Variants in CHCHD3 observed in about 807,000 individuals in gnomAD.
The protein encoded by CHCHD3 is MICOS complex subunit MIC19.
Under a neutral mutation model 38.2 loss-of-function variants are expected in CHCHD3, and 20 were observed. That is an observed-to-expected ratio of 0.52 (90% CI 0.37 to 0.76). The LOEUF (loss-of-function observed/expected upper bound fraction) is 0.76, where lower values mean the gene tolerates loss of function less well. Among genes scored for constraint, CHCHD3 ranks in the 30% least tolerant of loss-of-function variants. CHCHD3 has a pLI of 0.00. For synonymous variants in CHCHD3, 82 were observed against 100.0 expected (o/e 0.82, Z 1.07); for missense variants, 245 against 279.2 (o/e 0.88, Z 0.87).
At chr7:132,990,160 C>T (rs1049982940) in intron 3 of CHCHD3, among the ~76,000 whole-genome samples, 7 of 152,038 alleles carry the variant, frequency 4.6e-5, no homozygotes, top group African/African-American at 1.5e-4. Context: ...GAGACAAGAG[C>T]GAAACTCCAT....
intron 4 of CHCHD3, among the ~76,000 whole-genome samples, chr7:132,932,756 T>C (rs901768619): frequency 6.6e-6 from 1 of 152,194 alleles, no homozygotes; most frequent in African/African-American, 2.4e-5. Context: ...TGAGGAGACC[T>C]CCTTTCAATT....
chr7:132,973,324 C>A (rs2058945), intron 4 of CHCHD3: 147,653 of 985,248 alleles, frequency 0.15, 11,440 homozygotes, highest in Non-Finnish European at 0.16. Flanking sequence ...TCCTCCACTA[C>A]ATCCTTAGCT....
intron 3 of CHCHD3, among the ~76,000 whole-genome samples, chr7:133,013,837 T>A (rs987641307): frequency 2.0e-5 from 3 of 152,198 alleles, no homozygotes; most frequent in Non-Finnish European, 2.9e-5. Context: ...ATTTACTGAA[T>A]TCCTTTTATA....
At chr7:132,981,866 C>T (rs963803249) in intron 3 of CHCHD3, among the ~76,000 whole-genome samples, 1 of 152,076 alleles carries the variant, frequency 6.6e-6, no homozygotes, top group African/African-American at 2.4e-5. Context: ...AAAGTTGAAC[C>T]GTGACCGTTA....
At chr7:132,897,107 G>A (rs1470015195) in intron 4 of CHCHD3, among the ~76,000 whole-genome samples, 1 of 152,194 alleles carries the variant, frequency 6.6e-6, no homozygotes, top group Non-Finnish European at 1.5e-5. Context: ...ATAACTTAAG[G>A]TGCAATTATA....
At chr7:132,792,723 C>T (rs1011164643) in intron 7 of CHCHD3, among the ~76,000 whole-genome samples, 5 of 152,176 alleles carry the variant, frequency 3.3e-5, no homozygotes, top group African/African-American at 1.2e-4. Flanking sequence ...CCTCATGGAT[C>T]ACCTGGTTCA....
intron 4 of CHCHD3, among the ~76,000 whole-genome samples, chr7:132,950,578 C>T (rs1811014278): frequency 6.6e-6 from 1 of 152,208 alleles, no homozygotes; most frequent in African/African-American, 2.4e-5. Flanking sequence ...CATCCACACA[C>T]ACCAGGAGGA....
chr7:132,841,751 C>T (rs1409852675), intron 5 of CHCHD3, among the ~76,000 whole-genome samples: 2 of 152,048 alleles, frequency 1.3e-5, no homozygotes, highest in South Asian at 4.1e-4. Flanking sequence ...TGCTGGGTTG[C>T]TATATTTTTA....
intron 5 of CHCHD3, among the ~76,000 whole-genome samples, chr7:132,845,329 G>A (rs1296693668): frequency 6.6e-6 from 1 of 152,154 alleles, no homozygotes; most frequent in Admixed American, 6.5e-5. Flanking sequence ...AAACTGTATA[G>A]TGTGGGGTGG....
At position 133,035,733 on chromosome 7, in the gene CHCHD3, C is replaced by A. The variant is rs1439433761; in HGVS notation, c.170-11106G>T. 2 of 1,613,250 alleles carry A rather than the reference C, an allele frequency of 1.2e-6. No homozygotes were observed. The highest frequency in any genetic ancestry group is 1.3e-5 in the African/African-American group (1 of 74,912). ...CTCAAACACACAGAATCCATCATCA[C>A]CCTCAAATGCTGGGACCTTGCCGGC... On this transcript the variant is annotated intron_variant, in intron 2 of 7. Transcript: ENST00000262570. This position sits in a 1 kb window ranked among gnomAD's most constrained non-coding sequence, Gnocchi z 4.7.
At chr7:132,858,014 T>A (rs1340178571) in intron 5 of CHCHD3, among the ~76,000 whole-genome samples, 2 of 152,158 alleles carry the variant, frequency 1.3e-5, no homozygotes, top group Non-Finnish European at 2.9e-5. Flanking sequence ...CTGAGACGCA[T>A]TTGAGCTCAT....
intron 5 of CHCHD3, among the ~76,000 whole-genome samples, chr7:132,875,245 C>T (rs1325102861): frequency 6.6e-6 from 1 of 152,128 alleles, no homozygotes; most frequent in Non-Finnish European, 1.5e-5. Flanking sequence ...GAAATCTGTT[C>T]AGCTTTGTGA....
rs186311639 is a variant in CHCHD3, at chr7:132,860,598, G to A, written c.454-22129C>T. On this transcript the variant is annotated intron_variant, in intron 5 of 7. Transcript: ENST00000262570. ...TAACGGCTATGGAAAAGCATGGACG[G>A]TTTTCAGCAAAGAAACGATATAATC... Among the ~76,000 whole-genome samples, 115 of 151,880 alleles carry A rather than the reference G, an allele frequency of 7.6e-4. 2 individuals carry two copies. Among genetic ancestry groups the A allele is most frequent in the Admixed American group, 1.5e-3 (23 of 15,250 alleles).
intron 5 of CHCHD3, among the ~76,000 whole-genome samples, chr7:132,843,441 GA>G (rs929307757): frequency 2.0e-5 from 3 of 151,568 alleles, no homozygotes; most frequent in Non-Finnish European, 4.4e-5. Flanking sequence ...CATTCAAAGT[GA>G]AAAAAAATCA....
chr7:132,965,378 T>C (rs1811435257), intron 4 of CHCHD3, among the ~76,000 whole-genome samples: 1 of 150,760 alleles, frequency 6.6e-6, no homozygotes, highest in South Asian at 2.1e-4. Context: ...TCATCTCTAA[T>C]AGGAATCAAT....
At chr7:132,820,623 T>G (rs1047856853) in intron 6 of CHCHD3, among the ~76,000 whole-genome samples, 17 of 148,886 alleles carry the variant, frequency 1.1e-4, no homozygotes, top group South Asian at 2.1e-4. Flanking sequence ...TTTTTTTTTT[T>G]TTTTTTTTTT....
At chr7:132,841,525 A>G (rs1585562725) in intron 5 of CHCHD3, among the ~76,000 whole-genome samples, 1 of 152,298 alleles carries the variant, frequency 6.6e-6, no homozygotes, top group Middle Eastern at 3.4e-3. Flanking sequence ...GAAAATCTAC[A>G]AAGTAAAGGA....
At chr7:133,074,167 T>C (rs550350726) in intron 1 of CHCHD3, among the ~76,000 whole-genome samples, 1 of 152,332 alleles carries the variant, frequency 6.6e-6, no homozygotes, top group South Asian at 2.1e-4. Flanking sequence ...CAAGCTCCTA[T>C]ATATTAAGTC....
At chr7:132,919,005 G>A (rs892017567) in intron 4 of CHCHD3, among the ~76,000 whole-genome samples, 1 of 151,652 alleles carries the variant, frequency 6.6e-6, no homozygotes, top group African/African-American at 2.4e-5. Context: ...TTTTCTCCAC[G>A]AGGTAGATTC....
Sources: gnomAD v4.1 joint callset for allele counts (sites outside exome capture counted in the v4.1 genomes callset) on GRCh38, gnomAD v4.1.1 for gene constraint, Gnocchi (gnomAD v3.1) non-coding constraint, MANE v1.5 for transcripts, NCBI Gene and HGNC (gene_info 2026-07-23, HGNC 2026-07-21) for gene names.